FAM219A: variants seen among roughly 807,000 people sequenced by gnomAD.
FAM219A encodes the protein family with sequence similarity 219 member A, also known as protein FAM219A.
In FAM219A, 7 loss-of-function variants were observed where a neutral mutation model predicts 23.4. That is an observed-to-expected ratio of 0.30 (90% CI 0.17 to 0.56). FAM219A has a LOEUF of 0.56. Ranked by LOEUF, FAM219A falls within the 20% of genes least tolerant of loss-of-function variation. The pLI is 0.92. For synonymous variants in FAM219A, 93 were observed against 99.0 expected (o/e 0.94, Z 0.36); for missense variants, 166 against 246.9 (o/e 0.67, Z 2.20).
chr9:34,424,422 T>C (rs976192777), intron 1 of FAM219A, among the ~76,000 whole-genome samples: 9 of 137,050 alleles, frequency 6.6e-5, no homozygotes, highest in Non-Finnish European at 1.3e-4. Flanking sequence ...TCATGGCACA[T>C]TTGCTATCTT....
At chr9:34,416,314 G>GGAAGGAAGGAAGGAAC (rs1822029503) in intron 1 of FAM219A, among the ~76,000 whole-genome samples, 4 of 109,936 alleles carry the variant, frequency 3.6e-5, no homozygotes, top group Non-Finnish European at 7.0e-5. Context: ...AAGGAACGAA[G>GGAAGGAAGGAAGGAAC]GAAGGAAGGA....
intron 1 of FAM219A, 24 bp from the exon 2 acceptor site, chr9:34,405,988 AG>A (rs1400263291): frequency 1.3e-6 from 2 of 1,593,212 alleles, no homozygotes. Context: ...GCAGTAAGAC[AG>A]AGAGTTGTTA....
chr9:34,443,987 C>CCCT (rs1463535022), intron 1 of FAM219A, among the ~76,000 whole-genome samples: 1 of 152,212 alleles, frequency 6.6e-6, no homozygotes, highest in Non-Finnish European at 1.5e-5. Flanking sequence ...TGGTCTCCCT[C>CCCT]CCTGACTCCA....
At position 34,400,948 on chromosome 9, in the gene FAM219A, G is replaced by C. The variant is rs751307029; in HGVS notation, c.*16C>G. 1 of 1,514,612 alleles carries C rather than the reference G, an allele frequency of 6.6e-7. No individual in the cohort carries two copies. Among genetic ancestry groups the C allele is most frequent in the Non-Finnish European group, 8.9e-7 (1 of 1,126,872 alleles). 93.8% of individuals were successfully genotyped at this position (1,514,612 alleles called of 1,614,324 possible). ...CCTTGGCGGCCCCGCCCCGGCGACCGCAGTGGCCCCGCCCGCTACTGAATG... is the reference window on the plus strand; with the variant it reads ...CCTTGGCGGCCCCGCCCCGGCGACCCCAGTGGCCCCGCCCGCTACTGAATG... On this transcript the variant is annotated 3_prime_UTR_variant, in exon 6 of 6. Coordinates refer to ENST00000651358, the MANE Select transcript of FAM219A (RefSeq NM_001184940.2).
intron 1 of FAM219A, among the ~76,000 whole-genome samples, chr9:34,448,969 A>C: frequency 6.8e-6 from 1 of 147,084 alleles, no homozygotes; most frequent in African/African-American, 2.6e-5. Flanking sequence ...ATAACCAAAA[A>C]CCACCTGTTC....
At chr9:34,416,234 A>C (rs1822009488) in intron 1 of FAM219A, among the ~76,000 whole-genome samples, 1 of 130,850 alleles carries the variant, frequency 7.6e-6, no homozygotes, top group African/African-American at 2.9e-5. Flanking sequence ...AAAGAAAGAA[A>C]GAAAGAAAGA....
At chr9:34,413,163 G>A (rs751124368) in intron 1 of FAM219A, among the ~76,000 whole-genome samples, 3 of 151,588 alleles carry the variant, frequency 2.0e-5, no homozygotes, top group Non-Finnish European at 4.4e-5. Flanking sequence ...GGGAGGTAAG[G>A]AAGGTGAGGT....
In FAM219A at chr9:34,405,906, ACT is replaced by A; in HGVS notation, c.117_118del (p.Val40SerfsTer32). 1 of 1,613,916 alleles carries A rather than the reference ACT, an allele frequency of 6.2e-7. No homozygotes were observed. The highest frequency in any genetic ancestry group is 8.5e-7 in the Non-Finnish European group (1 of 1,179,908). On this transcript the variant is annotated frameshift_variant, in exon 2 of 6. Transcript: ENST00000651358. LOFTEE classifies it high-confidence loss of function. Reference sequence around the variant, plus strand: ...CGGGGATGGTTTGTAATTCATGGCTACTGACTCACCCTCCCGGGCGTCACAGT... The same window carrying A: ...CGGGGATGGTTTGTAATTCATGGCTAGACTCACCCTCCCGGGCGTCACAGT...
At chr9:34,421,562 C>T (rs1049300166) in intron 1 of FAM219A, among the ~76,000 whole-genome samples, 2 of 152,016 alleles carry the variant, frequency 1.3e-5, no homozygotes, top group African/African-American at 2.4e-5. Context: ...AGGGGTACCA[C>T]CTCGTACTCC....
intron 1 of FAM219A, among the ~76,000 whole-genome samples, chr9:34,451,135 C>T (rs1418671171): frequency 6.6e-6 from 1 of 152,216 alleles, no homozygotes; most frequent in Non-Finnish European, 1.5e-5. Context: ...TACCCTCTCT[C>T]CCAGGCCAGA....
At chr9:34,445,515 G>A (rs1174112673) in intron 1 of FAM219A, among the ~76,000 whole-genome samples, 1 of 152,238 alleles carries the variant, frequency 6.6e-6, no homozygotes, top group African/African-American at 2.4e-5. Context: ...GAATTGTTAA[G>A]AGGAGAGGAG....
intron 4 of FAM219A, 48 bp downstream of exon 4, chr9:34,402,339 T>C (rs779221110): frequency 3.1e-6 from 5 of 1,614,202 alleles, no homozygotes; most frequent in East Asian, 4.5e-5. Flanking sequence ...ACTTGTGCTA[T>C]ACAGGTTCCT....
intron 1 of FAM219A, among the ~76,000 whole-genome samples, chr9:34,441,467 T>C (rs1823171191): frequency 6.6e-6 from 1 of 152,108 alleles, no homozygotes; most frequent in Non-Finnish European, 1.5e-5. Flanking sequence ...CAGGGTGGGA[T>C]ACATGTGGTC....
rs545390823 is a variant in FAM219A at position 34,409,029 on chromosome 9, G to A, written c.61-3065C>T. On this transcript the variant is annotated intron_variant, in intron 1 of 5. Coordinates refer to ENST00000651358, the MANE Select transcript of FAM219A (RefSeq NM_001184940.2). ...ACTCTGGTCACAGGGACTCACATGT[G>A]GTCCTTGAGGCCTACTGGGCAGTTC... 1.5e-4 allele frequency among the ~76,000 whole-genome samples: 23 copies of A among 152,302 alleles called. No homozygotes were observed. In the South Asian group the frequency reaches 4.3e-3, roughly 29 times the overall value.
At chr9:34,452,470 G>A (rs934955747) in intron 1 of FAM219A, among the ~76,000 whole-genome samples, 3 of 152,054 alleles carry the variant, frequency 2.0e-5, no homozygotes, top group African/African-American at 7.2e-5. Context: ...TCTCCATTCC[G>A]CCTCCCAACA....
chr9:34,405,937 C>T lies in FAM219A; in HGVS notation c.88G>A (p.Gly30Arg), dbSNP rs752461701. The T allele has an allele frequency of 1.4e-5, 22 of 1,613,096 alleles. No individual in the cohort carries two copies. The highest frequency in any genetic ancestry group is 1.7e-5 in the Non-Finnish European group (20 of 1,179,538). The part of the protein sequence containing the change: ...LDPAAASISD[G>R]DCDAREGESV... ...TCACCCTCCCGGGCGTCACAGTCTC[C>T]GTCAGAGATGGAGGCGGCGGCTGGG... Residue 30 changes from glycine to arginine, a missense_variant, in exon 2 of 6, where the codon GGA (glycine) becomes AGA (arginine). Physicochemically the swap from Gly to Arg is moderately radical, Grantham distance 125 (BLOSUM62 -2). Transcript: ENST00000651358.
At chr9:34,446,849 T>C (rs1321393255) in intron 1 of FAM219A, among the ~76,000 whole-genome samples, 1 of 152,238 alleles carries the variant, frequency 6.6e-6, no homozygotes, top group Non-Finnish European at 1.5e-5. Context: ...CAGTACAGAA[T>C]GGAGGACTTC....
rs146369670 is a variant in FAM219A at position 34,413,519 on chromosome 9, G to C, written c.61-7555C>G. Among the ~76,000 whole-genome samples, 43 of 152,304 alleles carry C rather than the reference G, an allele frequency of 2.8e-4. No homozygotes were observed. In the East Asian group the frequency reaches 7.3e-3, roughly 26 times the overall value. On this transcript the variant is annotated intron_variant, in intron 1 of 5. Transcript: ENST00000651358. Reference sequence around the variant, plus strand: ...TTCAATATCAGCCTTCCCAAGAAGAGGTGACCTCTGTTCTCACCTCCAAGT... The same window carrying C: ...TTCAATATCAGCCTTCCCAAGAAGACGTGACCTCTGTTCTCACCTCCAAGT...
chr9:34,408,791 C>G (rs1330618853), intron 1 of FAM219A, among the ~76,000 whole-genome samples: 1 of 152,196 alleles, frequency 6.6e-6, no homozygotes, highest in Non-Finnish European at 1.5e-5. Context: ...ACCTTCTAAC[C>G]CATCTATCAC....
Sources: gnomAD v4.1 joint callset for allele counts (sites outside exome capture counted in the v4.1 genomes callset) on GRCh38, gnomAD v4.1.1 for gene constraint, MANE v1.5 for transcripts, NCBI Gene and HGNC (gene_info 2026-07-23, HGNC 2026-07-21) for gene names.